BCAP31: variants seen among roughly 807,000 people sequenced by gnomAD.
BCAP31 encodes the protein B-cell receptor-associated protein 31.
For synonymous variants in BCAP31, 75 were observed against 80.9 expected (o/e 0.93, Z 0.39); for missense variants, 124 against 193.0 (o/e 0.64, Z 2.12).
intron 3 of BCAP31, among the ~76,000 whole-genome samples, chrX:153,717,833 G>GTTTT (rs2091639698): frequency 8.9e-6 from 1 of 112,231 alleles, no homozygotes; most frequent in Non-Finnish European, 1.9e-5. Context: ...TGTTAGCAGG[G>GTTTT]GTAAAAACAG....
At chrX:153,701,386 C>T (rs1339852051) in intron 7 of BCAP31, among the ~76,000 whole-genome samples, 1 of 112,872 alleles carries the variant, frequency 8.9e-6, no homozygotes, top group African/African-American at 3.2e-5. Context: ...GAGGCTGGAC[C>T]CTTCCTCCCC....
chrX:153,713,500 C>T (rs1455228563), intron 4 of BCAP31, among the ~76,000 whole-genome samples: 1 of 112,282 alleles, frequency 8.9e-6, no homozygotes, highest in Non-Finnish European at 1.9e-5. Flanking sequence ...CTTTCTAGAG[C>T]ATGGCTGGAG....
chrX:153,718,659 T>C (rs1157388390), intron 3 of BCAP31, among the ~76,000 whole-genome samples: 1 of 112,119 alleles, frequency 8.9e-6, no homozygotes, highest in Non-Finnish European at 1.9e-5. Context: ...TTAAGAATAA[T>C]TACCCATTAT....
chrX:153,713,459 G>C (rs1041304982), intron 4 of BCAP31, among the ~76,000 whole-genome samples: 1 of 112,094 alleles, frequency 8.9e-6, no homozygotes, highest in Non-Finnish European at 1.9e-5. Flanking sequence ...CAATGATCCC[G>C]CTCTTCTTTT....
intron 1 of BCAP31, chrX:153,723,968 A>G (rs2091688511): frequency 2.4e-6 from 1 of 419,521 alleles, no homozygotes. Flanking sequence ...AAGGCCCCAT[A>G]CGGAGAAAGT....
chrX:153,723,033 C>G (rs1557051406), intron 2 of BCAP31, 120 bp downstream of exon 2: 3 of 930,566 alleles, frequency 3.2e-6, no homozygotes, highest in Non-Finnish European at 4.3e-6. Flanking sequence ...CCACCCCAGA[C>G]AGGTTCTACC....
rs1424684303 is a variant in BCAP31 at position 153,701,995 on chromosome X, G to A, written c.702+12C>T. 1.9e-5 allele frequency: 23 copies of A among 1,205,344 alleles called. No homozygotes were observed. The highest frequency in any genetic ancestry group is 1.4e-4 in the African/African-American group (8 of 57,394). On this transcript the variant is annotated intron_variant, in intron 7 of 7. Transcript: ENST00000345046. ...TCTCCTGCCCTGGGCGCAGCAATAC[G>A]GGAGGGCTGACCTGCAGCTTTGCGT... is the stretch of plus-strand genomic sequence containing the variant.
At position 153,707,796 on chromosome X, in the gene BCAP31, T is replaced by G. The variant is rs1331045580; in HGVS notation, c.342-3702A>C. On this transcript the variant is annotated intron_variant, in intron 4 of 7. Transcript: ENST00000345046. ...GGTCCTCTCTGATCACTGGCATTTT[T>G]CAGCCTGGGAGCCAGCCTTCTAGAA... Among the ~76,000 whole-genome samples, 6 of 113,117 alleles carry G rather than the reference T, an allele frequency of 5.3e-5. No individual in the cohort carries two copies. The East Asian group carries it at 1.1e-3, about 21-fold the overall frequency.
chrX:153,721,010 A>G (rs1301475428), intron 2 of BCAP31, 38 bp from the exon 3 acceptor site: 1 of 1,147,650 alleles, frequency 8.7e-7, no homozygotes, highest in Non-Finnish European at 1.2e-6. Flanking sequence ...TTGAAGAGAA[A>G]GCACACACAC....
chrX:153,723,858 G>A, intron 1 of BCAP31: 2 of 604,778 alleles, frequency 3.3e-6, no homozygotes, highest in Admixed American at 2.7e-5. Flanking sequence ...CCTTCCGCCC[G>A]GGGCCGCTTC....
chrX:153,715,171 A>G (rs929810633), intron 4 of BCAP31, among the ~76,000 whole-genome samples: 7 of 111,776 alleles, frequency 6.3e-5, no homozygotes, highest in Non-Finnish European at 1.1e-4. Context: ...CCGGACACAA[A>G]GAGTCCCCCA....
rs782509026 is a variant in BCAP31 at position 153,717,319 on chromosome X, TG to T, written c.194-1631del. Among the ~76,000 whole-genome samples, 21 of 112,784 alleles carry T rather than the reference TG, an allele frequency of 1.9e-4. No individual in the cohort carries two copies. The East Asian group carries it at 5.8e-3, about 31-fold the overall frequency. Reference sequence around the variant, plus strand: ...AGAAATTGAGCCACGCCAAACCTACTGCTTTTCCCCATGCATCCTGAGACAT... The same window carrying T: ...AGAAATTGAGCCACGCCAAACCTACTCTTTTCCCCATGCATCCTGAGACAT... On this transcript the variant is annotated intron_variant, in intron 3 of 7. Coordinates refer to ENST00000345046, the MANE Select transcript of BCAP31 (RefSeq NM_001256447.2).
intron 2 of BCAP31, among the ~76,000 whole-genome samples, chrX:153,722,740 C>T (rs1557051334): frequency 9.0e-6 from 1 of 111,679 alleles, no homozygotes; most frequent in Non-Finnish European, 1.9e-5. Context: ...GCAGCCACTG[C>T]GCAATACCAG....
chrX:153,702,033 A>C lies in BCAP31; in HGVS notation c.676T>G (p.Leu226Val), dbSNP rs1270070847. ...SEGLTKEYDR[L>V]LEEHAKLQAA... is the part of the protein sequence containing the mutation. ...TGCAGCTTTGCGTGCTCCTCCAGCA[A>C]GCGGTCGTACTCCTTGGTGAGGCCC... The change falls in exon 7 of 8, where the codon TTG becomes GTG. Residue 226 changes from leucine (L) to valine (V), a missense_variant. By Grantham distance (32) the Leu-to-Val change is conservative (BLOSUM62 1). Coordinates refer to ENST00000345046, the MANE Select transcript of BCAP31 (RefSeq NM_001256447.2). 7.4e-6 allele frequency: 9 copies of C among 1,210,446 alleles called. No homozygotes were observed. The highest frequency in any genetic ancestry group is 1.0e-5 in the Non-Finnish European group (9 of 895,034).
At position 153,700,740 on chromosome X, in the gene BCAP31, C is replaced by G. The variant is rs1385794151; in HGVS notation, c.*197G>C. Reference sequence around the variant, plus strand: ...AGGATGACAGCAAACGCATTCTGAACGTGTAGCAATCAGGTCCCCTGTAAT... The same window carrying G: ...AGGATGACAGCAAACGCATTCTGAAGGTGTAGCAATCAGGTCCCCTGTAAT... On this transcript the variant is annotated 3_prime_UTR_variant, in exon 8 of 8. Coordinates refer to ENST00000345046, the MANE Select transcript of BCAP31 (RefSeq NM_001256447.2). 4 of 406,870 alleles carry G rather than the reference C, an allele frequency of 9.8e-6. No individual in the cohort carries two copies. The highest frequency in any genetic ancestry group is 7.8e-5 in the African/African-American group (3 of 38,372). The allele number at this position is 406,870 out of a possible 1,213,427, so 33.5% of individuals were successfully genotyped here. A position where few individuals can be genotyped will look rare whatever the true frequency, so the allele number is the denominator to read the frequency against.
At chrX:153,721,358 C>G (rs2091664215) in intron 2 of BCAP31, among the ~76,000 whole-genome samples, 1 of 106,006 alleles carries the variant, frequency 9.4e-6, no homozygotes. Context: ...ATCACTTGAA[C>G]CTGGGAGGCG....
At chrX:153,723,445 G>A in intron 1 of BCAP31, 157 bp from the exon 2 acceptor site, 1 of 1,137,652 alleles carries the variant, frequency 8.8e-7, no homozygotes. Context: ...GGCTCCACTC[G>A]GCAGGGCCTC....
chrX:153,702,692 G>A (rs1557047609), intron 6 of BCAP31, among the ~76,000 whole-genome samples: 2 of 112,604 alleles, frequency 1.8e-5, no homozygotes, highest in Non-Finnish European at 3.8e-5. Context: ...GGGCAATCGA[G>A]GCCCACCAAC....
chrX:153,720,108 T>C (rs1013922475), intron 3 of BCAP31, among the ~76,000 whole-genome samples: 1 of 111,853 alleles, frequency 8.9e-6, no homozygotes, highest in African/African-American at 3.3e-5. Context: ...CACTGTGTGC[T>C]TGGTTGCTCA....
Sources: allele counts gnomAD v4.1 joint callset (sites outside exome capture counted in the v4.1 genomes callset), GRCh38; gene constraint gnomAD v4.1.1; transcripts MANE v1.5; gene names NCBI Gene and HGNC (gene_info 2026-07-23, HGNC 2026-07-21).